CAPN3: variants seen among roughly 807,000 people sequenced by gnomAD.
The protein encoded by CAPN3 is calpain 3, also known as calpain-3.
Under a neutral mutation model 114.0 loss-of-function variants are expected in CAPN3, and 88 were observed. The ratio of observed to expected loss-of-function variants is 0.77; its 90% CI spans 0.65 to 0.92. CAPN3 has a LOEUF of 0.92. Among genes scored for constraint, CAPN3 ranks in the 40% least tolerant of loss-of-function variants. The pLI is 0.00. For missense variants in CAPN3, 1,028 were observed against 1,069.0 expected (o/e 0.96, Z 0.53); for synonymous variants, 386 against 382.9 (o/e 1.01, Z -0.09).
chr15:42,388,930 TC>T lies in CAPN3; in HGVS notation c.637del (p.His213MetfsTer7). On this transcript the variant is annotated frameshift_variant, in exon 5 of 24. Coordinates refer to ENST00000397163, the MANE Select transcript of CAPN3 (RefSeq NM_000070.3). LOFTEE classifies it high-confidence loss of function. ...SALLEKAYAK[L>X]HGSYEALKGG... is the part of the protein sequence containing the mutation. Reference sequence around the variant, plus strand: ...TTGGTCTTCATCCTCTCTCTAAGGCTCCATGGTTCCTACGAAGCTCTGAAAG... The same window carrying T: ...TTGGTCTTCATCCTCTCTCTAAGGCTCATGGTTCCTACGAAGCTCTGAAAG... 1 of 1,613,862 alleles carries T rather than the reference TC, an allele frequency of 6.2e-7. No individual in the cohort carries two copies. Among genetic ancestry groups the T allele is most frequent in the Non-Finnish European group, 8.5e-7 (1 of 1,179,996 alleles).
intron 19 of CAPN3, 147 bp from the exon 20 acceptor site, chr15:42,410,281 G>A (rs980106018): frequency 1.6e-5 from 13 of 833,984 alleles, no homozygotes; most frequent in South Asian, 5.5e-5. Flanking sequence ...CAGAGTAGGC[G>A]CAATCTCTGA....
rs863224960 is a variant in CAPN3 at position 42,409,327 on chromosome 15, G to T, written c.1939G>T (p.Glu647Ter). 3.7e-6 allele frequency: 6 copies of T among 1,614,092 alleles called. No homozygotes were observed. The South Asian group carries it at 4.4e-5, about 12-fold the overall frequency. The change falls in exon 17 of 24, where the codon GAA becomes TAA. Residue 647 changes from glutamate (E) to a stop codon, truncating the protein, a stop_gained. Transcript: ENST00000397163. LOFTEE classifies it high-confidence loss of function. ...GCCACAGCCTGGCAGCTCTGATCAG[G>T]AAAGTGAGGAACAGCAACAATTCCG... is the stretch of plus-strand genomic sequence containing the variant. ...PQPQPGSSDQ[E>*]SEEQQQFRNI...
intron 1 of CAPN3, among the ~76,000 whole-genome samples, chr15:42,368,416 T>A (rs1180972281): frequency 1.3e-5 from 2 of 152,222 alleles, no homozygotes; most frequent in Non-Finnish European, 1.5e-5. Flanking sequence ...GAAATACGTG[T>A]GTCAGATAAG....
chr15:42,400,668 A>G (rs972496095), intron 10 of CAPN3, among the ~76,000 whole-genome samples: 63 of 152,200 alleles, frequency 4.1e-4, no homozygotes, highest in African/African-American at 1.3e-3. Flanking sequence ...CCTGGGTGAC[A>G]GAGTGAGACC....
Position 42,401,656 on chromosome 15 carries a change from AC to A in CAPN3, c.1373del (p.Pro458LeufsTer5), listed in dbSNP as rs886043705. On this transcript the variant is annotated frameshift_variant, in exon 11 of 24. Coordinates refer to ENST00000397163, the MANE Select transcript of CAPN3 (RefSeq NM_000070.3). LOFTEE classifies it high-confidence loss of function. Reference protein sequence around the residue: ...CRNFPDTFWTNPQYRLKLLEE... With the variant: ...CRNFPDTFWTXPQYRLKLLEE... ...GGGGGTGCAGATACTTTCTGGACCA[AC>A]CCTCAGTACCGTCTGAAGCTCCTGG... 5.6e-6 allele frequency: 9 copies of A among 1,614,134 alleles called. No homozygotes were observed. The highest frequency in any genetic ancestry group is 7.6e-6 in the Non-Finnish European group (9 of 1,180,020).
In CAPN3 at chr15:42,409,396, C is replaced by T. The variant is rs1215457665; in HGVS notation, c.1992+16C>T. ...AGCAGGAGATGTGAGTACCTCCAAG[C>T]CCAGGACGCCCACAGGTGCTTCCTT... On this transcript the variant is annotated intron_variant, in intron 17 of 23. Coordinates refer to ENST00000397163, the MANE Select transcript of CAPN3 (RefSeq NM_000070.3). 3 of 1,605,632 alleles carry T rather than the reference C, an allele frequency of 1.9e-6. No homozygotes were observed. Among genetic ancestry groups the T allele is most frequent in the African/African-American group, 2.7e-5 (2 of 74,750 alleles).
At position 42,408,246 on chromosome 15, in the gene CAPN3, C is replaced by G; in HGVS notation, c.1836C>G (p.Asn612Lys). Reference protein sequence around the residue: ...IIFVSDRANSNKELGVDQESE... With the variant: ...IIFVSDRANSKKELGVDQESE... ...TCGTTTCGGACAGAGCAAACAGCAA[C>G]AAGGAGCTGGGTGTGGACCAGGAGT... The change falls in exon 16 of 24, where the codon AAC becomes AAG. Residue 612 changes from asparagine (N) to lysine (K), a missense_variant. Coordinates refer to ENST00000397163, the MANE Select transcript of CAPN3 (RefSeq NM_000070.3). 1 of 1,613,834 alleles carries G rather than the reference C, an allele frequency of 6.2e-7. No individual in the cohort carries two copies. Among genetic ancestry groups the G allele is most frequent in the Non-Finnish European group, 8.5e-7 (1 of 1,179,834 alleles).
chr15:42,407,033 C>T (rs919394220), intron 15 of CAPN3, among the ~76,000 whole-genome samples: 2 of 152,140 alleles, frequency 1.3e-5, no homozygotes, highest in African/African-American at 4.8e-5. Flanking sequence ...GAGGCTCTGC[C>T]TGCCCAGTTG....
chr15:42,385,529 C>T, intron 2 of CAPN3: 1 of 382,298 alleles, frequency 2.6e-6, no homozygotes, highest in South Asian at 1.9e-5. Flanking sequence ...TATATACACA[C>T]ACAGAGAGAG....
Position 42,386,290 on chromosome 15 carries a change from GGTAATGAGA to G in CAPN3, c.498+8_498+16del. 6.3e-7 allele frequency: 1 copy of G among 1,593,064 alleles called. No individual in the cohort carries two copies. Among genetic ancestry groups the G allele is most frequent in the South Asian group, 1.1e-5 (1 of 90,656 alleles). ...GCAGGGATCTTCCACTTCCAGGTGAGGTAATGAGAGTGTAGTTAAGAGGGCCAGCGGCAG... is the reference window on the plus strand; with the variant it reads ...GCAGGGATCTTCCACTTCCAGGTGAGGTGTAGTTAAGAGGGCCAGCGGCAG... On this transcript the variant is annotated splice_donor_region_variant and intron_variant, in intron 3 of 23. Coordinates refer to ENST00000397163, the MANE Select transcript of CAPN3 (RefSeq NM_000070.3).
chr15:42,411,157 T>C (rs2054213142), intron 22 of CAPN3, 130 bp from the exon 23 acceptor site: 9 of 1,014,662 alleles, frequency 8.9e-6, no homozygotes, highest in Middle Eastern at 2.1e-4. Context: ...GGGTTACTGG[T>C]GATTCTCTGC....
In CAPN3 at chr15:42,402,841, C is replaced by A. The variant is rs530529988; in HGVS notation, c.1584C>A (p.Asn528Lys). Residue 528 changes from asparagine to lysine, a missense_variant, in exon 13 of 24, where the codon AAC becomes AAA. Physicochemically the swap from Asn to Lys is moderately conservative, Grantham distance 94 (BLOSUM62 0). Transcript: ENST00000397163. The stretch of plus-strand genomic sequence containing the variant: ...TGCAGAAGGACTTCTTCCTGTACAA[C>A]GCCTCCAAGGCCAGGAGCAAAACCT... ...QHLQKDFFLY[N>K]ASKARSKTYI... 3.7e-6 allele frequency: 6 copies of A among 1,614,194 alleles called. No individual in the cohort carries two copies. The African/African-American group carries it at 4.0e-5, about 11-fold the overall frequency.
chr15:42,383,730 G>A (rs571440887), intron 1 of CAPN3, among the ~76,000 whole-genome samples: 4 of 151,482 alleles, frequency 2.6e-5, no homozygotes, highest in African/African-American at 4.8e-5. Flanking sequence ...CTGTCACCAC[G>A]CCTGGCTAAT....
intron 6 of CAPN3, among the ~76,000 whole-genome samples, chr15:42,392,138 CT>C (rs2053571663): frequency 6.6e-6 from 1 of 152,088 alleles, no homozygotes; most frequent in Non-Finnish European, 1.5e-5. Context: ...GCACTCCAGC[CT>C]GGGCGACACA....
At chr15:42,366,668 AG>A (rs2052784310) in intron 1 of CAPN3, among the ~76,000 whole-genome samples, 1 of 152,062 alleles carries the variant, frequency 6.6e-6, no homozygotes, top group Non-Finnish European at 1.5e-5. Context: ...ATTGTTTTCG[AG>A]GAAGAAAAGA....
chr15:42,386,063 G>A (rs1034607327), intron 2 of CAPN3, 104 bp from the exon 3 acceptor site: 1 of 821,432 alleles, frequency 1.2e-6, no homozygotes. Flanking sequence ...TGGGCACCAA[G>A]GGAGTCCCCG....
At chr15:42,388,866 G>T (rs2141167411) in intron 4 of CAPN3, 62 bp from the exon 5 acceptor site, 1 of 1,426,010 alleles carries the variant, frequency 7.0e-7, no homozygotes, top group Non-Finnish European at 9.9e-7. Context: ...GGTGGCAGTG[G>T]TACCTGGGTT....
chr15:42,376,185 T>C lies in CAPN3; in HGVS notation c.310-8298T>C, dbSNP rs565359442. On this transcript the variant is annotated intron_variant, in intron 1 of 23. Coordinates refer to ENST00000397163, the MANE Select transcript of CAPN3 (RefSeq NM_000070.3). ...GTTGACCTTGGTCATGTGGCTGAAGTAGTGCTTGTCAGGTTTCTTTACTGT... is the reference window on the plus strand; with the variant it reads ...GTTGACCTTGGTCATGTGGCTGAAGCAGTGCTTGTCAGGTTTCTTTACTGT... Among the ~76,000 whole-genome samples the C allele has an allele frequency of 3.9e-5, 6 of 152,332 alleles. No individual in the cohort carries two copies. In the East Asian group the frequency reaches 1.2e-3, roughly 29 times the overall value.
rs1417470592 is a variant in CAPN3 at position 42,399,564 on chromosome 15, G to T, written c.1266G>T (p.Gln422His). Residue 422 changes from glutamine to histidine, a missense_variant, in exon 10 of 24, where the codon CAG becomes CAT. Physicochemically the swap from Gln to His is conservative, Grantham distance 24. Transcript: ENST00000397163. ...GCAACCTCACGGCCGATGCTCTGCAGTCTGACAAGCTTCAGACCTGGACAG... is the reference window on the plus strand; with the variant it reads ...GCAACCTCACGGCCGATGCTCTGCATTCTGACAAGCTTCAGACCTGGACAG... ...EICNLTADAL[Q>H]SDKLQTWTVS... 6.2e-7 allele frequency: 1 copy of T among 1,614,108 alleles called. No homozygotes were observed. Among genetic ancestry groups the T allele is most frequent in the South Asian group, 1.1e-5 (1 of 91,074 alleles).
Sources: allele counts gnomAD v4.1 joint callset (sites outside exome capture counted in the v4.1 genomes callset), GRCh38; gene constraint gnomAD v4.1.1; transcripts MANE v1.5; gene names NCBI Gene and HGNC (gene_info 2026-07-23, HGNC 2026-07-21).